The following ARSL variants were observed in gnomAD, a reference collection of about 807,000 sequenced individuals.
The protein encoded by ARSL is arylsulfatase E (chondrodysplasia punctata 1).
A neutral mutation model predicts 31.1 loss-of-function variants in ARSL; 4 were observed. The ratio of observed to expected loss-of-function variants is 0.13; its 90% confidence interval spans 0.06 to 0.29. The LOEUF (loss-of-function observed/expected upper bound fraction) is 0.29, where lower values mean the gene tolerates loss of function less well. Ranked by LOEUF, ARSL falls within the 10% of genes least tolerant of loss-of-function variation. The pLI, the probability that ARSL is intolerant of heterozygous loss-of-function variation, is 1.00. For synonymous variants in ARSL, 198 were observed against 209.9 expected (o/e 0.94, Z 0.49); for missense variants, 312 against 497.8 (o/e 0.63, Z 3.55).
chrX:2,942,038 G>A (rs2089288835), intron 8 of ARSL, among the ~76,000 whole-genome samples: 1 of 112,126 alleles, frequency 8.9e-6, no homozygotes, highest in African/African-American at 3.2e-5. Flanking sequence ...AATAGCAAAA[G>A]CTGAAACAAC....
intron 10 of ARSL, among the ~76,000 whole-genome samples, chrX:2,935,524 CTGCAGGGTG>C (rs2089185190): frequency 9.0e-6 from 1 of 111,726 alleles, no homozygotes; most frequent in Non-Finnish European, 1.9e-5. Flanking sequence ...TTTCCAGGGT[CTGCAGGGTG>C]TGAAATGGAG....
rs369969850 is a variant in ARSL, at chrX:2,955,407, G to C, written c.307+9C>G. 78 of 1,210,536 alleles carry C rather than the reference G, an allele frequency of 6.4e-5. No individual in the cohort carries two copies. In the African/African-American group the frequency reaches 8.7e-4, roughly 13 times the overall value. On this transcript the variant is annotated intron_variant, in intron 4 of 10. Coordinates refer to ENST00000381134, the MANE Select transcript of ARSL (RefSeq NM_000047.3). ...CTGCACCCTAGTGCAGTTGTAAAGAGAGACTGACCTGATCGCACAGGGTAT... is the reference window on the plus strand; with the variant it reads ...CTGCACCCTAGTGCAGTTGTAAAGACAGACTGACCTGATCGCACAGGGTAT...
rs192530988 is a variant in ARSL, at chrX:2,951,681, G to T, written c.430+1462C>A. On this transcript the variant is annotated intron_variant, in intron 5 of 10. Coordinates refer to ENST00000381134, the MANE Select transcript of ARSL (RefSeq NM_000047.3). ...CCGGGCATGGTGGTGCAAGCCTGTA[G>T]TACCAACTGCTTGGGAGACTAAGGT... Among the ~76,000 whole-genome samples the T allele has an allele frequency of 8.6e-5, 9 of 104,235 alleles. No homozygotes were observed. The East Asian group carries it at 2.7e-3, about 32-fold the overall frequency. 90.5% of individuals were successfully genotyped at this position (104,235 alleles called of 115,157 possible).
At chrX:2,957,184 G>A (rs1296830406) in intron 3 of ARSL, among the ~76,000 whole-genome samples, 3 of 106,852 alleles carry the variant, frequency 2.8e-5, no homozygotes, top group African/African-American at 1.0e-4. Context: ...TCATGCCACT[G>A]CACTCCAGCC....
At chrX:2,937,705 A>AT (rs2089222619) in intron 9 of ARSL, among the ~76,000 whole-genome samples, 1 of 111,288 alleles carries the variant, frequency 9.0e-6, no homozygotes, top group African/African-American at 3.3e-5. Flanking sequence ...AAGTCAACTT[A>AT]CTGAGGCTCC....
chrX:2,961,820 T>C (rs1190437350), intron 1 of ARSL, among the ~76,000 whole-genome samples: 2 of 110,626 alleles, frequency 1.8e-5, no homozygotes, highest in Non-Finnish European at 3.8e-5. Flanking sequence ...CACAATCTTT[T>C]CTCTTAACCT....
At chrX:2,938,606 GC>G (rs2089237619) in intron 8 of ARSL, among the ~76,000 whole-genome samples, 1 of 111,173 alleles carries the variant, frequency 9.0e-6, no homozygotes, top group Non-Finnish European at 1.9e-5. Flanking sequence ...GTGGCCACAA[GC>G]CCAGGGACTC....
At chrX:2,950,532 G>A (rs2089447197) in intron 5 of ARSL, among the ~76,000 whole-genome samples, 1 of 111,223 alleles carries the variant, frequency 9.0e-6, no homozygotes, top group South Asian at 3.8e-4. Context: ...TCATGGAGGT[G>A]GTTTCCCCTA....
chrX:2,967,221 T>G (rs2079585), upstream of ARSL, among the ~76,000 whole-genome samples: 1,722 of 111,494 alleles, frequency 0.015, 27 homozygotes, highest in African/African-American at 0.055. Context: ...CTCAAACATG[T>G]TTGAACAGTC....
At chrX:2,959,858 C>G (rs1377617108) in intron 2 of ARSL, 5 of 440,129 alleles carry the variant, frequency 1.1e-5, no homozygotes, top group Non-Finnish European at 1.7e-5. Context: ...GTGTTTAAGA[C>G]CAGCTTGAGC....
At chrX:2,949,837 G>A (rs749473490) in intron 5 of ARSL, 110 bp from the exon 6 acceptor site, 18 of 896,735 alleles carry the variant, frequency 2.0e-5, no homozygotes, top group Non-Finnish European at 2.9e-5. Flanking sequence ...GGGGGGCCAG[G>A]AGATTGCAAA....
chrX:2,967,714 G>A (rs576091133), upstream of ARSL, among the ~76,000 whole-genome samples: 22 of 112,529 alleles, frequency 2.0e-4, no homozygotes, highest in South Asian at 7.8e-3. Flanking sequence ...ATTCTCTTCC[G>A]GGGAGAAGGA....
intron 6 of ARSL, 150 bp from the exon 7 acceptor site, chrX:2,946,284 C>T: frequency 4.8e-6 from 2 of 420,795 alleles, no homozygotes; most frequent in East Asian, 5.3e-5. Context: ...CAAAACTCTT[C>T]TTCAACGGAA....
chrX:2,961,736 T>C (rs1273602108), intron 1 of ARSL, among the ~76,000 whole-genome samples: 1 of 111,042 alleles, frequency 9.0e-6, no homozygotes. Flanking sequence ...CTTTTAAAAG[T>C]CTGAATAGGA....
chrX:2,938,955 C>T (rs1180138226), intron 8 of ARSL, among the ~76,000 whole-genome samples: 1 of 109,665 alleles, frequency 9.1e-6, no homozygotes, highest in Non-Finnish European at 1.9e-5. Flanking sequence ...ATGCCTGGAG[C>T]CCCCGGTAAC....
In ARSL at chrX:2,958,842, C is replaced by G. The variant is rs750476955; in HGVS notation, c.24-407G>C. On this transcript the variant is annotated intron_variant, in intron 2 of 10. Coordinates refer to ENST00000381134, the MANE Select transcript of ARSL (RefSeq NM_000047.3). ...TCTCTACAAGAAATACACAGCTTAG[C>G]TGGGCGTGGTGGCACGTGCCTGTAG... Among the ~76,000 whole-genome samples, 74 of 111,511 alleles carry G rather than the reference C, an allele frequency of 6.6e-4. 1 individual carries two copies. Among genetic ancestry groups the G allele is most frequent in the Middle Eastern group, 4.6e-3 (1 of 218 alleles).
intron 7 of ARSL, 62 bp downstream of exon 7, chrX:2,945,936 T>C: frequency 3.3e-5 from 39 of 1,188,045 alleles, no homozygotes; most frequent in Non-Finnish European, 4.2e-5. Context: ...TCATTCTTTG[T>C]TTCCTTTCCT....
intron 3 of ARSL, among the ~76,000 whole-genome samples, chrX:2,956,838 G>A (rs1255796614): frequency 2.7e-5 from 3 of 110,347 alleles, no homozygotes; most frequent in African/African-American, 9.9e-5. Context: ...TTAAACTCCT[G>A]GGCTCAAGTG....
rs775243537 is a variant in ARSL, at chrX:2,936,453, G to T, written c.1411+289C>A. On this transcript the variant is annotated intron_variant, in intron 10 of 10. Coordinates refer to ENST00000381134, the MANE Select transcript of ARSL (RefSeq NM_000047.3). ...AAAGTTGCACTTCATATAGTGCAGG[G>T]AAGAAAGAATGAAATATAGCCCATA... 2.7e-5 allele frequency among the ~76,000 whole-genome samples: 3 copies of T among 111,807 alleles called. No individual in the cohort carries two copies. In the East Asian group the frequency reaches 8.5e-4, roughly 32 times the overall value.
Sources: gnomAD v4.1 joint callset for allele counts (sites outside exome capture counted in the v4.1 genomes callset) on GRCh38, gnomAD v4.1.1 for gene constraint, MANE v1.5 for transcripts, NCBI Gene and HGNC (gene_info 2026-07-23, HGNC 2026-07-21) for gene names.